The following PCSK5 variants were observed in gnomAD, a reference collection of about 807,000 sequenced individuals.
The protein encoded by PCSK5 is prohormone convertase 5.
In PCSK5, 129 loss-of-function variants were observed where a neutral mutation model predicts 233.2. That is an observed-to-expected ratio of 0.55 (90% confidence interval 0.48 to 0.64). The LOEUF is 0.64. Ranked by LOEUF, PCSK5 falls within the 30% of genes least tolerant of loss-of-function variation. The pLI is 0.00. For missense variants in PCSK5, 2,076 were observed against 2,430.1 expected, an observed-to-expected ratio of 0.85 and a Z score of 3.06; for synonymous variants, 825 against 879.2, an observed-to-expected ratio of 0.94 and a Z score of 1.09.
chr9:76,111,499 A>T (rs1405290360), intron 9 of PCSK5, among the ~76,000 whole-genome samples: 4 of 152,218 alleles, frequency 2.6e-5, no homozygotes, highest in Admixed American at 6.5e-5. Context: ...TAATCTTAAA[A>T]GAGAGGGGAG....
intron 20 of PCSK5, among the ~76,000 whole-genome samples, chr9:76,205,800 C>A (rs1039233967): frequency 6.6e-6 from 1 of 152,162 alleles, no homozygotes; most frequent in Non-Finnish European, 1.5e-5. Flanking sequence ...TCCAGGTAAT[C>A]GGCAGAATTT....
chr9:76,220,017 TAG>T (rs751558392), intron 20 of PCSK5, among the ~76,000 whole-genome samples: 1 of 151,942 alleles, frequency 6.6e-6, no homozygotes, highest in African/African-American at 2.4e-5. Context: ...AACTGATGAA[TAG>T]AGAGACTGAG....
chr9:76,011,310 G>A (rs1234223768), intron 3 of PCSK5, among the ~76,000 whole-genome samples: 2 of 152,142 alleles, frequency 1.3e-5, no homozygotes, highest in African/African-American at 4.8e-5. Flanking sequence ...TCTGCTACTT[G>A]CCACTGTGCA....
chr9:76,179,300 T>C (rs1823745589), intron 14 of PCSK5, among the ~76,000 whole-genome samples: 1 of 152,214 alleles, frequency 6.6e-6, no homozygotes, highest in Admixed American at 6.5e-5. Context: ...CTACAGTTCA[T>C]TTGAATTCTC....
chr9:76,236,862 G>A lies in PCSK5; in HGVS notation c.2867-2097G>A, dbSNP rs573803618. Among the ~76,000 whole-genome samples, 44 of 152,254 alleles carry A rather than the reference G, an allele frequency of 2.9e-4. 1 individual carries two copies. The highest frequency in any genetic ancestry group is 5.9e-4 in the Admixed American group (9 of 15,292). ...AACACTTCCTTCTAAATCTGGGCCC[G>A]TCGTTGCTAATTTTTAAGATTGATG... On this transcript the variant is annotated intron_variant, in intron 22 of 37. Transcript: ENST00000674117.
intron 1 of PCSK5, among the ~76,000 whole-genome samples, chr9:75,929,802 CAAGAG>C (rs1245482709): frequency 1.3e-5 from 2 of 151,308 alleles, no homozygotes; most frequent in African/African-American, 2.4e-5. Context: ...TGACAGCAGA[CAAGAG>C]AAGAGAATGA....
chr9:76,354,576 T>C (rs1398962751), intron 37 of PCSK5, among the ~76,000 whole-genome samples: 1 of 152,022 alleles, frequency 6.6e-6, no homozygotes. Context: ...GTCTAGGAGC[T>C]TGAGACCAGC....
At chr9:76,104,253 C>T (rs948550029) in intron 8 of PCSK5, among the ~76,000 whole-genome samples, 3 of 152,178 alleles carry the variant, frequency 2.0e-5, no homozygotes, top group African/African-American at 7.2e-5. Flanking sequence ...CTGATAGTAA[C>T]TTCCTCTTGA....
intron 2 of PCSK5, among the ~76,000 whole-genome samples, chr9:75,938,566 C>G (rs142236605): frequency 6.6e-6 from 1 of 152,258 alleles, no homozygotes; most frequent in Non-Finnish European, 1.5e-5. Flanking sequence ...CAGGCTTGCT[C>G]GATACAGGAT....
chr9:76,354,327 C>A (rs1830244385), intron 37 of PCSK5, 108 bp downstream of exon 37: 1 of 817,866 alleles, frequency 1.2e-6, no homozygotes, highest in Admixed American at 2.9e-5. Context: ...ATATGGCTAC[C>A]TTTTTATTGA....
Position 76,358,887 on chromosome 9 carries a change from G to A in PCSK5, c.5629G>A (p.Glu1877Lys). 6.2e-7 allele frequency: 1 copy of A among 1,612,792 alleles called. No individual in the cohort carries two copies. Among genetic ancestry groups the A allele is most frequent in the Admixed American group, 1.7e-5 (1 of 60,006 alleles). Residue 1877 changes from glutamate to lysine, a missense_variant, in exon 38 of 38, where the codon GAA becomes AAA. Physicochemically the swap from Glu to Lys is moderately conservative, Grantham distance 56. Around this residue, in one of 6 missense-constraint regions of PCSK5, gnomAD observed 1,510 missense variants for 1,538.1 expected, o/e 0.98. Transcript: ENST00000674117. The stretch of plus-strand genomic sequence containing the variant: ...GGATGACGATGACATAGATGAGCTG[G>A]AATATGATGACGAGAGTTACTCCTA... Reference protein sequence around the residue: ...LLDDDDIDELEYDDESYSYYQ With the variant: ...LLDDDDIDELKYDDESYSYYQ
chr9:76,045,734 T>C (rs1462235885), intron 5 of PCSK5, among the ~76,000 whole-genome samples: 1 of 152,192 alleles, frequency 6.6e-6, no homozygotes, highest in Non-Finnish European at 1.5e-5. Context: ...AACTGACTTG[T>C]TATGGTCTTC....
At chr9:75,930,555 A>G (rs1039099670) in intron 1 of PCSK5, among the ~76,000 whole-genome samples, 4 of 152,154 alleles carry the variant, frequency 2.6e-5, no homozygotes, top group African/African-American at 9.7e-5. Context: ...GACTGATACT[A>G]TTTATTTTGA....
chr9:75,978,764 A>C (rs976839611), intron 2 of PCSK5, among the ~76,000 whole-genome samples: 2 of 152,200 alleles, frequency 1.3e-5, no homozygotes, highest in African/African-American at 4.8e-5. Context: ...GTTAATACCC[A>C]AAATCAAAGG....
chr9:75,968,023 A>G (rs923411245), intron 2 of PCSK5, among the ~76,000 whole-genome samples: 1 of 152,132 alleles, frequency 6.6e-6, no homozygotes, highest in African/African-American at 2.4e-5. Flanking sequence ...GGGCCTCCCA[A>G]AGTACTGGGA....
intron 2 of PCSK5, among the ~76,000 whole-genome samples, chr9:75,969,275 T>G (rs755960155): frequency 1.3e-5 from 2 of 152,246 alleles, no homozygotes; most frequent in Non-Finnish European, 2.9e-5. Flanking sequence ...CTCAGTCGAC[T>G]TTTACTAACT....
intron 1 of PCSK5, among the ~76,000 whole-genome samples, chr9:75,904,865 T>C (rs1428903099): frequency 2.0e-5 from 3 of 152,240 alleles, no homozygotes; most frequent in Non-Finnish European, 4.4e-5. Context: ...CATGCCATCA[T>C]TATTCACAGT....
intron 7 of PCSK5, among the ~76,000 whole-genome samples, chr9:76,090,291 G>T (rs1831233105): frequency 6.6e-6 from 1 of 151,916 alleles, no homozygotes; most frequent in South Asian, 2.1e-4. Flanking sequence ...GAAATGTGGA[G>T]ATTTTTAATT....
intron 2 of PCSK5, among the ~76,000 whole-genome samples, chr9:75,959,685 A>G (rs1825257149): frequency 6.6e-6 from 1 of 152,206 alleles, no homozygotes; most frequent in Non-Finnish European, 1.5e-5. Context: ...CCACGGCACA[A>G]ATGGAGATAT....
Sources: gnomAD v4.1 joint callset for allele counts (sites outside exome capture counted in the v4.1 genomes callset) on GRCh38, gnomAD v4.1.1 for gene constraint, gnomAD v4.1.1 regional missense constraint, MANE v1.5 for transcripts, NCBI Gene and HGNC (gene_info 2026-07-23, HGNC 2026-07-21) for gene names.